The following TMEM63A variants were observed in gnomAD, a reference collection of about 807,000 sequenced individuals.
TMEM63A encodes mechanosensitive cation channel TMEM63A.
TMEM63A carries 76 observed loss-of-function variants against 100.6 expected under a neutral mutation model. That is an observed-to-expected ratio of 0.76 (90% CI 0.63 to 0.91). The LOEUF (loss-of-function observed/expected upper bound fraction) is 0.91. Ranked by LOEUF, TMEM63A falls within the 40% of genes least tolerant of loss-of-function variation. The probability of loss-of-function intolerance (pLI) is 0.00; values close to 1 mark genes in which losing one functional copy is unlikely to be tolerated. For synonymous variants in TMEM63A, 401 were observed against 401.1 expected (o/e 1.00, Z 0.00); for missense variants, 876 against 1,008.8 (o/e 0.87, Z 1.78).
chr1:225,867,107 C>T lies in TMEM63A; in HGVS notation c.566+5G>A, dbSNP rs201858718. 5.6e-6 allele frequency: 9 copies of T among 1,614,178 alleles called. No individual in the cohort carries two copies. The highest frequency in any genetic ancestry group is 7.6e-6 in the Non-Finnish European group (9 of 1,180,020). On this transcript the variant is annotated splice_donor_5th_base_variant and intron_variant, in intron 8 of 24. Coordinates refer to ENST00000366835, the MANE Select transcript of TMEM63A (RefSeq NM_014698.3). This position sits in a 1 kb window ranked among gnomAD's most constrained non-coding sequence, Gnocchi z 4.6. Reference sequence around the variant, plus strand: ...AGCACCTATCCCCACGGGCTCCATACTCACTCAGTCTGTAGGTTTGCTATT... The same window carrying T: ...AGCACCTATCCCCACGGGCTCCATATTCACTCAGTCTGTAGGTTTGCTATT...
In TMEM63A at chr1:225,846,856, A is replaced by G; in HGVS notation, c.*83T>C. ...TGGGCACCTGATAGCTCAGCTGGGC[A>G]GTCCCAACGCATTCCCACTCAGCCA... On this transcript the variant is annotated 3_prime_UTR_variant, in exon 25 of 25. Coordinates refer to ENST00000366835, the MANE Select transcript of TMEM63A (RefSeq NM_014698.3). 1 of 665,568 alleles carries G rather than the reference A, an allele frequency of 1.5e-6. No homozygotes were observed. Among genetic ancestry groups the G allele is most frequent in the Middle Eastern group, 4.3e-4 (1 of 2,322 alleles). 41.2% of individuals were successfully genotyped at this position (665,568 alleles called of 1,614,324 possible). A position where few individuals can be genotyped will look rare whatever the true frequency, so the allele number is the denominator to read the frequency against.
intron 15 of TMEM63A, among the ~76,000 whole-genome samples, chr1:225,857,288 C>G (rs1353075334): frequency 2.0e-5 from 3 of 151,030 alleles, no homozygotes; most frequent in African/African-American, 7.3e-5. Context: ...ATCTGACTAA[C>G]CAGATTAAAT....
At chr1:225,866,004 C>T (rs759246343) in intron 9 of TMEM63A, 37 bp from the exon 10 acceptor site, 1 of 1,603,812 alleles carries the variant, frequency 6.2e-7, no homozygotes, top group Non-Finnish European at 8.5e-7. Context: ...AAGTCACCCA[C>T]AAGCCAGTGT....
chr1:225,854,185 C>T (rs1429494350), intron 18 of TMEM63A, among the ~76,000 whole-genome samples: 1 of 152,158 alleles, frequency 6.6e-6, no homozygotes, highest in Non-Finnish European at 1.5e-5. Context: ...ATCCCCAAAC[C>T]TGGGAAGACA....
chr1:225,855,809 T>C (rs1042965783), intron 18 of TMEM63A, 69 bp downstream of exon 18: 2 of 1,471,898 alleles, frequency 1.4e-6, no homozygotes, highest in African/African-American at 2.8e-5. Flanking sequence ...CCCATCCCAC[T>C]GCAGCCCCAG....
downstream of TMEM63A, among the ~76,000 whole-genome samples, chr1:225,842,847 C>G (rs1267955682): frequency 6.6e-6 from 1 of 152,194 alleles, no homozygotes; most frequent in Admixed American, 6.5e-5. Flanking sequence ...CACGTGACTG[C>G]GTGTTCCAGG....
Position 225,845,589 on chromosome 1 carries a change from G to A in TMEM63A, c.*1350C>T, listed in dbSNP as rs1227459233. On this transcript the variant is annotated 3_prime_UTR_variant, in exon 25 of 25. Coordinates refer to ENST00000366835, the MANE Select transcript of TMEM63A (RefSeq NM_014698.3). The stretch of plus-strand genomic sequence containing the variant: ...GCGGCTGGAACTCAGTGACATGAGC[G>A]TGCGCTGACCCCACATGGGGCCCCC... 35 of 578,186 alleles carry A rather than the reference G, an allele frequency of 6.1e-5. No individual in the cohort carries two copies. The Admixed American group carries it at 8.1e-4, about 13-fold the overall frequency. 35.8% of individuals were successfully genotyped at this position (578,186 alleles called of 1,614,324 possible).
At chr1:225,861,216 C>T (rs1354703236) in intron 13 of TMEM63A, 5 of 399,166 alleles carry the variant, frequency 1.3e-5, no homozygotes, top group South Asian at 5.5e-5. Flanking sequence ...AAAGGGAGTA[C>T]GATTCCCATT....
intron 6 of TMEM63A, among the ~76,000 whole-genome samples, chr1:225,868,396 C>A (rs1001058789): frequency 1.3e-5 from 2 of 152,098 alleles, no homozygotes; most frequent in African/African-American, 4.8e-5. Context: ...AAAGTTAGGG[C>A]TGGGCGCAGT....
chr1:225,880,008 G>A (rs1671011183), intron 1 of TMEM63A, among the ~76,000 whole-genome samples: 4 of 152,016 alleles, frequency 2.6e-5, no homozygotes, highest in Admixed American at 1.3e-4. Flanking sequence ...AGGCCTCTGC[G>A]GAGGGAAACA....
rs1217741939 is a variant in TMEM63A at position 225,846,876 on chromosome 1, C to T, written c.*63G>A. ...TGGGCAGTCCCAACGCATTCCCACT[C>T]AGCCAAGGGCCTGAGCCCCAGGCCA... is the stretch of plus-strand genomic sequence containing the variant. On this transcript the variant is annotated 3_prime_UTR_variant, in exon 25 of 25. Coordinates refer to ENST00000366835, the MANE Select transcript of TMEM63A (RefSeq NM_014698.3). 5 of 858,080 alleles carry T rather than the reference C, an allele frequency of 5.8e-6. No individual in the cohort carries two copies. The highest frequency in any genetic ancestry group is 8.5e-6 in the Non-Finnish European group (5 of 588,740). 53.2% of individuals were successfully genotyped at this position (858,080 alleles called of 1,614,324 possible).
chr1:225,845,239 C>T (rs1219385557), downstream of TMEM63A: 4 of 1,614,014 alleles, frequency 2.5e-6, no homozygotes, highest in Admixed American at 1.7e-5. Flanking sequence ...ACCCAAAGCT[C>T]ATCTCCTATT....
intron 18 of TMEM63A, among the ~76,000 whole-genome samples, chr1:225,855,087 G>T (rs980613820): frequency 2.0e-5 from 3 of 152,162 alleles, no homozygotes; most frequent in African/African-American, 7.2e-5. Context: ...CAACTCATCA[G>T]CTTACTCAGC....
rs1324965766 is a variant in TMEM63A at position 225,849,883 on chromosome 1, G to A, written c.2071+29C>T. On this transcript the variant is annotated intron_variant, in intron 21 of 24. Transcript: ENST00000366835. ...GGGATGCAGGGCTGGGAGGCCAAGGGCTGGCCCCAGGTCAGAAGGGCTGCT... is the reference window on the plus strand; with the variant it reads ...GGGATGCAGGGCTGGGAGGCCAAGGACTGGCCCCAGGTCAGAAGGGCTGCT... 2.5e-6 allele frequency: 4 copies of A among 1,609,288 alleles called. No individual in the cohort carries two copies. In the Admixed American group the frequency reaches 6.7e-5, roughly 27 times the overall value.
downstream of TMEM63A, among the ~76,000 whole-genome samples, chr1:225,840,627 C>T (rs944192148): frequency 1.8e-4 from 27 of 152,324 alleles, 1 homozygote; most frequent in Admixed American, 1.7e-3. Flanking sequence ...TCAATTAAAT[C>T]TCCATGGGAC....
chr1:225,873,033 G>GC (rs1256363446), intron 4 of TMEM63A, among the ~76,000 whole-genome samples: 1 of 151,988 alleles, frequency 6.6e-6, no homozygotes, highest in Admixed American at 6.6e-5. Flanking sequence ...TGGTTCTACT[G>GC]CCCCCCTACT....
chr1:225,856,511 C>T (rs1559038401), intron 17 of TMEM63A, 141 bp downstream of exon 17: 1 of 740,244 alleles, frequency 1.4e-6, no homozygotes, highest in African/African-American at 1.8e-5. Flanking sequence ...CCCAGCCCTA[C>T]TGCACGCCGA....
downstream of TMEM63A, among the ~76,000 whole-genome samples, chr1:225,844,217 GGA>G (rs1168326194): frequency 6.6e-6 from 1 of 152,084 alleles, no homozygotes; most frequent in Non-Finnish European, 1.5e-5. Flanking sequence ...AGGGGAGGGA[GGA>G]GAGGTCAGTG....
chr1:225,854,939 G>A (rs1019547816), intron 18 of TMEM63A, among the ~76,000 whole-genome samples: 8 of 152,150 alleles, frequency 5.3e-5, no homozygotes, highest in Admixed American at 3.3e-4. Context: ...AGGAAGGCTC[G>A]GATAAATGTG....
Sources: allele counts gnomAD v4.1 joint callset (sites outside exome capture counted in the v4.1 genomes callset), GRCh38; gene constraint gnomAD v4.1.1; non-coding constraint Gnocchi (gnomAD v3.1); transcripts MANE v1.5; gene names NCBI Gene and HGNC (gene_info 2026-07-23, HGNC 2026-07-21).